The following SNX29 variants were observed in gnomAD, a reference collection of about 807,000 sequenced individuals.
SNX29 encodes sorting nexin-29.
In SNX29, 78 loss-of-function variants were observed where a neutral mutation model predicts 102.1. The ratio of observed to expected loss-of-function variants is 0.76; its 90% CI spans 0.64 to 0.92. SNX29 has a LOEUF of 0.92. Ranked by LOEUF, SNX29 falls within the 40% of genes least tolerant of loss-of-function variation. The pLI, the probability that SNX29 is intolerant of heterozygous loss-of-function variation, is 0.00. For synonymous variants in SNX29, 580 were observed against 414.5 expected (o/e 1.40, Z -4.85); for missense variants, 1,280 against 1,061.7 (o/e 1.21, Z -2.86).
At chr16:12,115,835 C>T (rs190496621) in intron 11 of SNX29, among the ~76,000 whole-genome samples, 67 of 152,304 alleles carry the variant, frequency 4.4e-4, no homozygotes, top group Non-Finnish European at 8.5e-4. Context: ...TGCCCACTGA[C>T]GGAGAAGTGA....
intron 13 of SNX29, among the ~76,000 whole-genome samples, chr16:12,151,316 A>C (rs2055291850): frequency 6.6e-6 from 1 of 152,168 alleles, no homozygotes. Context: ...ACTATTACAC[A>C]ATAAAATTAG....
chr16:11,981,001 C>A (rs1192220563), intron 1 of SNX29, among the ~76,000 whole-genome samples: 1 of 151,126 alleles, frequency 6.6e-6, no homozygotes, highest in East Asian at 1.9e-4. Context: ...TGCTCTATCA[C>A]CCAGGCTGGA....
chr16:12,027,729 G>A (rs553020237), intron 4 of SNX29: 2 of 213,272 alleles, frequency 9.4e-6, no homozygotes, highest in African/African-American at 2.3e-5. Flanking sequence ...CCACTGTGGC[G>A]TGCCAGTTGC....
intron 13 of SNX29, among the ~76,000 whole-genome samples, chr16:12,153,613 A>G (rs566758576): frequency 3.3e-5 from 5 of 150,634 alleles, no homozygotes; most frequent in African/African-American, 1.2e-4. Flanking sequence ...AGCTGGGATT[A>G]CAGGCGTGCA....
chr16:12,547,063 T>C (rs12598530), intron 20 of SNX29, among the ~76,000 whole-genome samples: 9,010 of 152,214 alleles, frequency 0.059, 487 homozygotes, highest in East Asian at 0.18. Context: ...AGACATTGAA[T>C]AGTGAGGCAG....
In SNX29 at chr16:12,197,132, A is replaced by G. The variant is rs528972647; in HGVS notation, c.1596-2469A>G. 3.3e-5 allele frequency among the ~76,000 whole-genome samples: 5 copies of G among 152,314 alleles called. No homozygotes were observed. The South Asian group carries it at 1.0e-3, about 32-fold the overall frequency. ...TGTTGGTCATGCGGCCTCTTGGAAA[A>G]TGTTTTTCCATGAACTGTTGTTTAG... On this transcript the variant is annotated intron_variant, in intron 13 of 20. Coordinates refer to ENST00000566228, the MANE Select transcript of SNX29 (RefSeq NM_032167.5).
chr16:12,259,528 C>T (rs907449440), intron 14 of SNX29, among the ~76,000 whole-genome samples: 1 of 152,168 alleles, frequency 6.6e-6, no homozygotes, highest in African/African-American at 2.4e-5. Flanking sequence ...AGAGCTGTGG[C>T]GCAGAGGACT....
At chr16:12,543,723 T>C (rs2077451925) in intron 20 of SNX29, among the ~76,000 whole-genome samples, 1 of 152,222 alleles carries the variant, frequency 6.6e-6, no homozygotes, top group African/African-American at 2.4e-5. Flanking sequence ...ATTAATGAAT[T>C]TTGGCATTGC....
chr16:12,515,400 G>A lies in SNX29; in HGVS notation c.2179-9302G>A, dbSNP rs532389230. 76 of 422,048 alleles carry A rather than the reference G, an allele frequency of 1.8e-4. 3 individuals are homozygous for A. Among genetic ancestry groups the A allele is most frequent in the South Asian group, 1.4e-3 (75 of 54,882 alleles). 26.1% of individuals were successfully genotyped at this position (422,048 alleles called of 1,614,324 possible). A position where few individuals can be genotyped will look rare whatever the true frequency, so the allele number is the denominator to read the frequency against. ...ACAAACGAATATATGTGACTGGAGA[G>A]CTGAATGAGAGGATGAATGATTGCA... On this transcript the variant is annotated intron_variant, in intron 19 of 20. Transcript: ENST00000566228.
chr16:12,092,787 G>C (rs995752201), intron 11 of SNX29, among the ~76,000 whole-genome samples: 2 of 152,194 alleles, frequency 1.3e-5, no homozygotes, highest in Admixed American at 6.5e-5. Context: ...GCCTGACCTC[G>C]TTAGTTTCTT....
chr16:12,557,868 G>A lies in SNX29; in HGVS notation c.2319-10638G>A, dbSNP rs184695830. On this transcript the variant is annotated intron_variant, in intron 20 of 20. Coordinates refer to ENST00000566228, the MANE Select transcript of SNX29 (RefSeq NM_032167.5). Reference sequence around the variant, plus strand: ...GTGACATGACCATAGCCATTCCAGCGAGTGGAGGAGGGCCTCTGCAGGCAA... The same window carrying A: ...GTGACATGACCATAGCCATTCCAGCAAGTGGAGGAGGGCCTCTGCAGGCAA... 6.5e-4 allele frequency among the ~76,000 whole-genome samples: 99 copies of A among 152,290 alleles called. 2 individuals are homozygous for A. The highest frequency in any genetic ancestry group is 2.3e-3 in the South Asian group (11 of 4,826).
intron 20 of SNX29, among the ~76,000 whole-genome samples, chr16:12,539,940 C>G (rs762004187): frequency 9.2e-5 from 14 of 152,194 alleles, no homozygotes; most frequent in African/African-American, 1.7e-4. Context: ...ATGTTAGATG[C>G]AAGACCTTTG....
chr16:12,035,772 C>G (rs2057456102), intron 4 of SNX29, among the ~76,000 whole-genome samples: 1 of 151,946 alleles, frequency 6.6e-6, no homozygotes, highest in Non-Finnish European at 1.5e-5. Flanking sequence ...GTATGTAGTC[C>G]TTTATCTCGG....
chr16:12,273,831 A>G (rs1267842689), intron 14 of SNX29, among the ~76,000 whole-genome samples: 1 of 152,218 alleles, frequency 6.6e-6, no homozygotes, highest in Non-Finnish European at 1.5e-5. Context: ...ACGTGGGCTC[A>G]GGTAATCTGC....
chr16:12,226,296 G>C (rs1258565882), intron 14 of SNX29, among the ~76,000 whole-genome samples: 1 of 152,200 alleles, frequency 6.6e-6, no homozygotes, highest in Non-Finnish European at 1.5e-5. Flanking sequence ...CAGAAGGCAT[G>C]AATCACCTCC....
intron 16 of SNX29, among the ~76,000 whole-genome samples, chr16:12,356,825 G>T (rs1419692106): frequency 6.6e-6 from 1 of 152,198 alleles, no homozygotes. Context: ...AGCGTCCCTG[G>T]GTTCCACCCA....
At chr16:12,326,220 C>T (rs1596921781) in intron 15 of SNX29, among the ~76,000 whole-genome samples, 1 of 151,914 alleles carries the variant, frequency 6.6e-6, no homozygotes, top group Non-Finnish European at 1.5e-5. Context: ...CCATGTTGGC[C>T]AGGCTGGTCT....
At chr16:12,354,226 A>G (rs963930762) in intron 15 of SNX29, among the ~76,000 whole-genome samples, 6 of 152,238 alleles carry the variant, frequency 3.9e-5, no homozygotes, top group African/African-American at 1.4e-4. Context: ...GGGATATGTG[A>G]TATAAAAACT....
intron 18 of SNX29, among the ~76,000 whole-genome samples, chr16:12,420,231 A>G (rs1015991945): frequency 6.6e-6 from 1 of 152,266 alleles, no homozygotes; most frequent in South Asian, 2.1e-4. Context: ...GAAGTTTCAC[A>G]TTAATACTTA....
Sources: gnomAD v4.1 joint callset for allele counts (sites outside exome capture counted in the v4.1 genomes callset) on GRCh38, gnomAD v4.1.1 for gene constraint, MANE v1.5 for transcripts, NCBI Gene and HGNC (gene_info 2026-07-23, HGNC 2026-07-21) for gene names.